The following UNC80 variants were observed in gnomAD, a reference collection of about 807,000 sequenced individuals.
The protein encoded by UNC80 is unc-80 subunit of NALCN channel complex.
UNC80 carries 164 observed loss-of-function variants against 384.6 expected under a neutral mutation model. That is an observed-to-expected ratio of 0.43 (90% CI 0.38 to 0.49). The LOEUF (loss-of-function observed/expected upper bound fraction) is 0.49. UNC80 is among the 20% of genes least tolerant of loss of function. UNC80 has a pLI of 0.00. For missense variants in UNC80, 3,330 were observed against 4,143.0 expected (o/e 0.80, Z 5.39); for synonymous variants, 1,486 against 1,527.8 (o/e 0.97, Z 0.64).
rs1308042964 is a variant in UNC80, at chr2:209,996,757, A to G, written c.*1162A>G. ...CAACACCTAGTGTGTTACTGATCCT[A>G]TGGTAGGGCTGTGCATCACGTGGTT... On this transcript the variant is annotated 3_prime_UTR_variant, in exon 65 of 65. Coordinates refer to ENST00000673920, the MANE Select transcript of UNC80 (RefSeq NM_001371986.1). 1.3e-5 allele frequency: 2 copies of G among 152,182 alleles called. No homozygotes were observed. Among genetic ancestry groups the G allele is most frequent in the African/African-American group, 2.4e-5 (1 of 41,464 alleles). The allele number at this position is 152,182 out of a possible 1,614,324, so 9.4% of individuals were successfully genotyped here. A position where few individuals can be genotyped will look rare whatever the true frequency, so the allele number is the denominator to read the frequency against.
chr2:209,887,630 T>C (rs1231273980), intron 25 of UNC80, among the ~76,000 whole-genome samples: 2 of 152,216 alleles, frequency 1.3e-5, no homozygotes, highest in Non-Finnish European at 2.9e-5. Context: ...GCTCCTACTC[T>C]CAGTCTTAAA....
chr2:209,835,089 A>G lies in UNC80; in HGVS notation c.3041+79A>G, dbSNP rs924385608. ...AAGAATTTCTATTTTCCAAACTGCT[A>G]TTTGTTTGTTTTTCATCTCCTTTGA... On this transcript the variant is annotated intron_variant, in intron 18 of 64. Coordinates refer to ENST00000673920, the MANE Select transcript of UNC80 (RefSeq NM_001371986.1). 7 of 1,180,014 alleles carry G rather than the reference A, an allele frequency of 5.9e-6. No homozygotes were observed. In the Admixed American group the frequency reaches 6.2e-5, roughly 10 times the overall value. 73.1% of individuals were successfully genotyped at this position (1,180,014 alleles called of 1,614,324 possible).
chr2:209,947,270 C>T (rs58870389), intron 47 of UNC80, among the ~76,000 whole-genome samples: 2,626 of 152,278 alleles, frequency 0.017, 92 homozygotes, highest in African/African-American at 0.059. Context: ...TGTTCAGCTA[C>T]GTTGTTAACC....
At chr2:209,828,946 T>G (rs1020136269) in intron 14 of UNC80, among the ~76,000 whole-genome samples, 2 of 152,168 alleles carry the variant, frequency 1.3e-5, no homozygotes, top group African/African-American at 2.4e-5. Flanking sequence ...AAAATCTCTA[T>G]CTTGGTGAAA....
rs368690666 is a variant in UNC80, at chr2:209,881,569, T to C, written c.4110+475T>C. ...ATCCCCAAACGTACATTGTTATTTCTGTAGCATTTCCTAGAGATTATGGAT... is the reference window on the plus strand; with the variant it reads ...ATCCCCAAACGTACATTGTTATTTCCGTAGCATTTCCTAGAGATTATGGAT... On this transcript the variant is annotated intron_variant, in intron 25 of 64. Coordinates refer to ENST00000673920, the MANE Select transcript of UNC80 (RefSeq NM_001371986.1). 7.4e-4 allele frequency among the ~76,000 whole-genome samples: 112 copies of C among 152,300 alleles called. 4 individuals carry two copies. In the South Asian group the frequency reaches 0.022, roughly 30 times the overall value.
At chr2:209,887,364 C>T (rs1246002367) in intron 25 of UNC80, among the ~76,000 whole-genome samples, 7 of 151,918 alleles carry the variant, frequency 4.6e-5, no homozygotes, top group African/African-American at 1.5e-4. Context: ...CTAGAAACAT[C>T]GCATCTCTCT....
At chr2:209,877,620 T>A (rs1387787810) in intron 23 of UNC80, among the ~76,000 whole-genome samples, 1 of 152,142 alleles carries the variant, frequency 6.6e-6, no homozygotes, top group Non-Finnish European at 1.5e-5. Flanking sequence ...AATCCTCCAT[T>A]AAAAGCAATT....
chr2:209,936,982 C>A, intron 41 of UNC80, 49 bp downstream of exon 41: 1 of 1,295,474 alleles, frequency 7.7e-7, no homozygotes, highest in South Asian at 1.3e-5. Context: ...AAAGGCTTAT[C>A]ATGCCTACCT....
In UNC80 at chr2:209,845,087, T is replaced by TA. The variant is rs72276428; in HGVS notation, c.3454+2656dup. The stretch of plus-strand genomic sequence containing the variant: ...TGTGATGCGATTTTAATGCCCTTCT[T>TA]AAAAAAAAAAAAAAAGGAGGAGACA... On this transcript the variant is annotated intron_variant, in intron 21 of 64. Transcript: ENST00000673920. The TA allele has an allele frequency of 2.1e-3, 282 of 135,970 alleles. 1 individual carries two copies. The highest frequency in any genetic ancestry group is 6.9e-3 in the East Asian group (32 of 4,618). 8.4% of individuals were successfully genotyped at this position (135,970 alleles called of 1,614,324 possible).
chr2:209,966,739 C>T (rs376558059), intron 51 of UNC80, among the ~76,000 whole-genome samples: 4 of 152,290 alleles, frequency 2.6e-5, no homozygotes, highest in South Asian at 4.1e-4. Context: ...CTGTATGGAA[C>T]CGAGTTGGGA....
chr2:209,948,420 A>G (rs774228816), intron 47 of UNC80, among the ~76,000 whole-genome samples: 1 of 152,112 alleles, frequency 6.6e-6, no homozygotes, highest in Non-Finnish European at 1.5e-5. Context: ...TCCTCTTTCA[A>G]ATTAAAAGGT....
chr2:209,863,840 A>G (rs1324667065), intron 22 of UNC80, among the ~76,000 whole-genome samples: 20 of 151,516 alleles, frequency 1.3e-4, no homozygotes, highest in East Asian at 2.0e-4. Flanking sequence ...ACTTCTGTCA[A>G]TTTGTCCATG....
Position 209,839,403 on chromosome 2 carries a change from C to T in UNC80, c.3223C>T (p.Leu1075Phe). 6.4e-7 allele frequency: 1 copy of T among 1,552,084 alleles called. No individual in the cohort carries two copies. The highest frequency in any genetic ancestry group is 8.7e-7 in the Non-Finnish European group (1 of 1,147,080). ...RARSRSRRIS[L>F]RKKLKLPIGN... is the part of the protein sequence containing the mutation. ...CCGCTCACGATCCCGCAGAATTTCC[C>T]TCCGAAAGAAGCTTAAACTCCCCAT... The change falls in exon 19 of 65, where the codon CTC becomes TTC. Residue 1075 changes from leucine (L) to phenylalanine (F), a missense_variant. Physicochemically the swap from Leu to Phe is conservative, Grantham distance 22. Transcript: ENST00000673920. This position sits in a 1 kb window ranked among gnomAD's most constrained non-coding sequence, Gnocchi z 4.1.
At chr2:209,835,649 T>C (rs1325836907) in intron 18 of UNC80, among the ~76,000 whole-genome samples, 1 of 152,250 alleles carries the variant, frequency 6.6e-6, no homozygotes, top group Non-Finnish European at 1.5e-5. Context: ...TTTTTTCTCT[T>C]TTTGAGAACT....
Position 209,813,689 on chromosome 2 carries a change from T to C in UNC80, c.1048T>C (p.Trp350Arg), listed in dbSNP as rs2079526423. The C allele has an allele frequency of 6.4e-7, 1 of 1,551,598 alleles. No individual in the cohort carries two copies. The highest frequency in any genetic ancestry group is 8.7e-7 in the Non-Finnish European group (1 of 1,147,008). The part of the protein sequence containing the change: ...QPHWSEEGTQ[W>R]SLMYYLQRLR... ...CCATTGGTCTGAGGAAGGCACTCAG[T>C]GGTCTCTGATGTACTATCTACAAAG... The change falls in exon 8 of 65, where the codon TGG becomes CGG. Residue 350 changes from tryptophan to arginine, a missense_variant. Around this residue, in one of 8 missense-constraint regions of UNC80, gnomAD observed 937 missense variants for 1,026.8 expected, o/e 0.91. Coordinates refer to ENST00000673920, the MANE Select transcript of UNC80 (RefSeq NM_001371986.1).
At chr2:209,870,802 T>C (rs905664991) in intron 22 of UNC80, among the ~76,000 whole-genome samples, 1 of 152,150 alleles carries the variant, frequency 6.6e-6, no homozygotes, top group Non-Finnish European at 1.5e-5. Context: ...AAATGTAAAG[T>C]AACCAGCTCT....
At chr2:209,849,864 A>G (rs906925306) in intron 22 of UNC80, among the ~76,000 whole-genome samples, 4 of 152,048 alleles carry the variant, frequency 2.6e-5, no homozygotes, top group Non-Finnish European at 5.9e-5. Flanking sequence ...AGTTAAAATC[A>G]CTCTGACATT....
At chr2:209,985,001 C>T (rs2093254633) in intron 61 of UNC80, 89 bp downstream of exon 61, 2 of 1,148,126 alleles carry the variant, frequency 1.7e-6, no homozygotes, top group Non-Finnish European at 2.5e-6. Context: ...TTCTCTGTCT[C>T]TTCTCGCCCC....
intron 22 of UNC80, among the ~76,000 whole-genome samples, chr2:209,866,543 G>C (rs975446756): frequency 1.8e-4 from 25 of 138,774 alleles, no homozygotes; most frequent in South Asian, 8.7e-4. Context: ...CAGAGAGAGA[G>C]AGAGAGAGAG....
Sources: allele counts gnomAD v4.1 joint callset (sites outside exome capture counted in the v4.1 genomes callset), GRCh38; gene constraint gnomAD v4.1.1; regional missense constraint gnomAD v4.1.1; non-coding constraint Gnocchi (gnomAD v3.1); transcripts MANE v1.5; gene names NCBI Gene and HGNC (gene_info 2026-07-23, HGNC 2026-07-21).